The following ADAMTS6 variants were observed in gnomAD, a reference collection of about 807,000 sequenced individuals.
ADAMTS6 encodes A disintegrin and metalloproteinase with thrombospondin motifs 6.
ADAMTS6 carries 23 observed loss-of-function variants against 144.3 expected under a neutral mutation model. The observed-to-expected ratio is 0.16, with a 90% CI of 0.11 to 0.23. The LOEUF is 0.23. ADAMTS6 is among the 10% of genes least tolerant of loss of function. The pLI is 1.00. For synonymous variants in ADAMTS6, 444 were observed against 457.5 expected, an observed-to-expected ratio of 0.97 and a Z score of 0.38; for missense variants, 999 against 1,379.6, an observed-to-expected ratio of 0.72 and a Z score of 4.37.
At chr5:65,301,456 ATAAT>A (rs1048224258) in intron 9 of ADAMTS6, among the ~76,000 whole-genome samples, 1 of 152,246 alleles carries the variant, frequency 6.6e-6, no homozygotes, top group African/African-American at 2.4e-5. Context: ...TAAGTACAAG[ATAAT>A]TAATAAAAGT....
rs575248173 is a variant in ADAMTS6 at position 65,150,161 on chromosome 5, T to G, written c.*1675A>C. ...ACTGACATGTAATTTAAGAGCACCA[T>G]GATGGAATCAAGTCAAACATGCTGT... On this transcript the variant is annotated 3_prime_UTR_variant, in exon 25 of 25. Transcript: ENST00000381055. The G allele has an allele frequency of 6.6e-6, 1 of 152,588 alleles. No individual in the cohort carries two copies. The highest frequency in any genetic ancestry group is 2.1e-4 in the South Asian group (1 of 4,828). The allele number at this position is 152,588 out of a possible 1,614,324, so 9.5% of individuals were successfully genotyped here.
intron 21 of ADAMTS6, 134 bp from the exon 22 acceptor site, chr5:65,188,354 A>G (rs1482345564): frequency 1.2e-6 from 1 of 813,834 alleles, no homozygotes; most frequent in Non-Finnish European, 1.9e-6. Context: ...CAAATGGCAA[A>G]TGAAAGAGCT....
At chr5:65,360,257 A>G (rs1448631570) in intron 7 of ADAMTS6, among the ~76,000 whole-genome samples, 1 of 152,138 alleles carries the variant, frequency 6.6e-6, no homozygotes, top group Admixed American at 6.6e-5. Context: ...GGTGCTACAC[A>G]CTTTTAAACA....
chr5:65,410,283 G>T (rs1453830926), intron 7 of ADAMTS6, among the ~76,000 whole-genome samples: 1 of 152,136 alleles, frequency 6.6e-6, no homozygotes, highest in Non-Finnish European at 1.5e-5. Flanking sequence ...ATTATTGTTA[G>T]ATAGAAATTC....
chr5:65,394,084 CTT>C (rs1753141637), intron 7 of ADAMTS6, among the ~76,000 whole-genome samples: 1 of 152,136 alleles, frequency 6.6e-6, no homozygotes, highest in South Asian at 2.1e-4. Context: ...TATAATGTGA[CTT>C]TGACATTCTC....
chr5:65,173,000 T>C lies in ADAMTS6; in HGVS notation c.2919A>G (p.Pro973=). ...WVALDWSECT[P]KCGPGFKHRI... ...GATGCTTGAATCCTGGACCACATTTTGGAGTACACTGGAAATAAAACAAAT... is the reference window on the plus strand; with the variant it reads ...GATGCTTGAATCCTGGACCACATTTCGGAGTACACTGGAAATAAAACAAAT... Residue 973 remains proline, a synonymous_variant, in exon 23 of 25, where the codon CCA becomes CCG. Coordinates refer to ENST00000381055, the MANE Select transcript of ADAMTS6 (RefSeq NM_197941.4). 1 of 1,612,442 alleles carries C rather than the reference T, an allele frequency of 6.2e-7. No individual in the cohort carries two copies. The highest frequency in any genetic ancestry group is 8.5e-7 in the Non-Finnish European group (1 of 1,179,492).
chr5:65,467,019 C>T (rs1420262030), intron 3 of ADAMTS6, among the ~76,000 whole-genome samples: 10 of 145,328 alleles, frequency 6.9e-5, no homozygotes, highest in Non-Finnish European at 1.3e-4. Context: ...CCAGCCTGGG[C>T]GACAGAGCAG....
chr5:65,162,879 T>G (rs1335419564), intron 24 of ADAMTS6, among the ~76,000 whole-genome samples: 1 of 151,886 alleles, frequency 6.6e-6, no homozygotes, highest in Non-Finnish European at 1.5e-5. Flanking sequence ...TTTGCTGGAG[T>G]CTTACAGAAG....
intron 9 of ADAMTS6, among the ~76,000 whole-genome samples, chr5:65,325,150 G>A (rs936608238): frequency 6.6e-6 from 1 of 152,106 alleles, no homozygotes; most frequent in Admixed American, 6.6e-5. Flanking sequence ...GAGTGGGGAG[G>A]AGGGTAGAAA....
intron 13 of ADAMTS6, 154 bp downstream of exon 13, chr5:65,262,663 A>G: frequency 1.3e-6 from 1 of 752,500 alleles, no homozygotes; most frequent in Non-Finnish European, 1.9e-6. Flanking sequence ...TCTGTCTAAC[A>G]AAGCTCCTCC....
At chr5:65,155,829 T>C (rs371242956) in intron 24 of ADAMTS6, among the ~76,000 whole-genome samples, 11 of 152,320 alleles carry the variant, frequency 7.2e-5, no homozygotes, top group Middle Eastern at 3.4e-3. Context: ...TGGAGCATCA[T>C]AGTCAGGTTT....
At chr5:65,386,263 G>A (rs1480818429) in intron 7 of ADAMTS6, among the ~76,000 whole-genome samples, 3 of 151,802 alleles carry the variant, frequency 2.0e-5, no homozygotes, top group African/African-American at 7.3e-5. Context: ...TGGGTGATGA[G>A]TACATCTATC....
At chr5:65,160,464 G>A (rs1335766373) in intron 24 of ADAMTS6, among the ~76,000 whole-genome samples, 9 of 151,672 alleles carry the variant, frequency 5.9e-5, no homozygotes, top group Non-Finnish European at 1.3e-4. Context: ...CCACCACCAC[G>A]CCCGGCTAAT....
chr5:65,342,850 T>C (rs1443952304), intron 7 of ADAMTS6, among the ~76,000 whole-genome samples: 2 of 152,002 alleles, frequency 1.3e-5, no homozygotes, highest in Admixed American at 6.6e-5. Flanking sequence ...ACAAATTCAG[T>C]AAAGTTACAG....
At chr5:65,440,594 C>T (rs1757790576) in intron 7 of ADAMTS6, among the ~76,000 whole-genome samples, 1 of 152,170 alleles carries the variant, frequency 6.6e-6, no homozygotes, top group African/African-American at 2.4e-5. Context: ...AAGGATTCCC[C>T]TTAACTATTC....
chr5:65,357,498 A>C (rs1056180437), intron 7 of ADAMTS6, among the ~76,000 whole-genome samples: 2 of 151,816 alleles, frequency 1.3e-5, no homozygotes, highest in African/African-American at 4.8e-5. Context: ...AAAAGGAAGA[A>C]GATCAAAGCA....
At chr5:65,183,365 C>T (rs935083331) in intron 22 of ADAMTS6, among the ~76,000 whole-genome samples, 6 of 151,968 alleles carry the variant, frequency 3.9e-5, no homozygotes, top group Non-Finnish European at 5.9e-5. Context: ...TTGAAAGAGA[C>T]GTTACATTCA....
chr5:65,211,991 G>C (rs973237118), intron 20 of ADAMTS6, among the ~76,000 whole-genome samples: 2 of 152,120 alleles, frequency 1.3e-5, no homozygotes, highest in African/African-American at 4.8e-5. Context: ...CACGTGTCTA[G>C]AGTGCTGGGT....
chr5:65,350,305 T>C (rs554793066), intron 7 of ADAMTS6, among the ~76,000 whole-genome samples: 3 of 152,370 alleles, frequency 2.0e-5, no homozygotes, highest in South Asian at 4.1e-4. Context: ...CTGGCCTCCA[T>C]CCTTCAGGCA....
Sources: gnomAD v4.1 joint callset for allele counts (sites outside exome capture counted in the v4.1 genomes callset) on GRCh38, gnomAD v4.1.1 for gene constraint, MANE v1.5 for transcripts, NCBI Gene and HGNC (gene_info 2026-07-23, HGNC 2026-07-21) for gene names.